Variants in DCDC1 observed in about 807,000 individuals in gnomAD.
The protein encoded by DCDC1 is doublecortin domain-containing protein 1.
DCDC1 carries 200 observed loss-of-function variants against 178.3 expected under a neutral mutation model. That is an observed-to-expected ratio of 1.12 (90% CI 1.00 to 1.26). The LOEUF (loss-of-function observed/expected upper bound fraction) is 1.26, where lower values mean the gene tolerates loss of function less well. DCDC1 is among the 50% of genes most tolerant of loss of function. DCDC1 has a pLI of 0.00. For synonymous variants in DCDC1, 690 were observed against 604.8 expected (o/e 1.14, Z -2.07); for missense variants, 1,983 against 1,749.2 (o/e 1.13, Z -2.38).
chr11:31,040,129 T>A (rs1311383668), intron 20 of DCDC1, among the ~76,000 whole-genome samples: 3 of 148,750 alleles, frequency 2.0e-5, no homozygotes, highest in Non-Finnish European at 3.0e-5. Flanking sequence ...TGGTCAAAAC[T>A]AAAAAAAAAT....
intron 17 of DCDC1, among the ~76,000 whole-genome samples, chr11:31,078,816 AC>A (rs1242513158): frequency 7.8e-6 from 1 of 128,756 alleles, no homozygotes; most frequent in African/African-American, 2.8e-5. Flanking sequence ...GTGTGGACCC[AC>A]CCCCCACCCA....
intron 20 of DCDC1, among the ~76,000 whole-genome samples, chr11:30,989,062 T>G (rs752612724): frequency 5.3e-5 from 8 of 151,914 alleles, no homozygotes; most frequent in Non-Finnish European, 7.4e-5. Context: ...ATCCAGGAAG[T>G]GGAGAGGTAA....
intron 27 of DCDC1, among the ~76,000 whole-genome samples, chr11:30,914,913 T>A (rs75580710): frequency 2.6e-5 from 4 of 152,200 alleles, no homozygotes; most frequent in African/African-American, 9.6e-5. Context: ...TGTCATCAGA[T>A]AGCCAAGCTG....
chr11:31,021,753 G>T (rs1952894441), intron 20 of DCDC1, among the ~76,000 whole-genome samples: 1 of 152,096 alleles, frequency 6.6e-6, no homozygotes, highest in Non-Finnish European at 1.5e-5. Flanking sequence ...GTGAGGTTAA[G>T]AAAAATAAAA....
chr11:30,896,414 G>T (rs145770921), intron 34 of DCDC1, among the ~76,000 whole-genome samples: 3 of 152,118 alleles, frequency 2.0e-5, no homozygotes, highest in African/African-American at 7.2e-5. Context: ...TTGGCCCATT[G>T]TTTCTCTTAG....
At chr11:31,173,551 A>T (rs1440898936) in intron 9 of DCDC1, among the ~76,000 whole-genome samples, 1 of 152,212 alleles carries the variant, frequency 6.6e-6, no homozygotes, top group Non-Finnish European at 1.5e-5. Context: ...GCACCATTTC[A>T]ATTGGAGAAT....
chr11:31,009,534 A>T (rs1164193455), intron 20 of DCDC1, among the ~76,000 whole-genome samples: 2 of 151,546 alleles, frequency 1.3e-5, no homozygotes, highest in Non-Finnish European at 2.9e-5. Context: ...CTTCATGGGA[A>T]GGCTGGTGGT....
chr11:31,104,340 A>C (rs1958713141), intron 13 of DCDC1, among the ~76,000 whole-genome samples: 1 of 152,150 alleles, frequency 6.6e-6, no homozygotes, highest in African/African-American at 2.4e-5. Context: ...CTCGCTATTT[A>C]TCTCTAGAAT....
At chr11:31,108,105 C>A (rs1423694988) in intron 12 of DCDC1, among the ~76,000 whole-genome samples, 1 of 152,172 alleles carries the variant, frequency 6.6e-6, no homozygotes, top group African/African-American at 2.4e-5. Context: ...CTTGACTGAG[C>A]AAATATTTCT....
intron 1 of DCDC1, among the ~76,000 whole-genome samples, chr11:31,351,544 G>T (rs1951070736): frequency 6.6e-6 from 1 of 152,100 alleles, no homozygotes; most frequent in Admixed American, 6.6e-5. Flanking sequence ...AGCAGGCTCA[G>T]AAAAGTTTGT....
At chr11:31,247,718 G>A (rs973581557) in intron 8 of DCDC1, among the ~76,000 whole-genome samples, 3 of 151,760 alleles carry the variant, frequency 2.0e-5, no homozygotes, top group Non-Finnish European at 4.4e-5. Context: ...GTAGCACATT[G>A]GTAGAACAGG....
chr11:31,061,564 A>C (rs1323849025), intron 20 of DCDC1, among the ~76,000 whole-genome samples: 1 of 152,144 alleles, frequency 6.6e-6, no homozygotes, highest in Middle Eastern at 3.4e-3. Context: ...TTAAGAAAAA[A>C]AAGAAGAAGA....
intron 20 of DCDC1, among the ~76,000 whole-genome samples, chr11:30,991,358 G>T (rs1314415932): frequency 6.6e-6 from 1 of 152,110 alleles, no homozygotes; most frequent in Non-Finnish European, 1.5e-5. Flanking sequence ...AGACAAAGGG[G>T]TCCCATGCAA....
chr11:31,238,537 G>T (rs1181598934), intron 9 of DCDC1, among the ~76,000 whole-genome samples: 1 of 151,934 alleles, frequency 6.6e-6, no homozygotes, highest in Non-Finnish European at 1.5e-5. Context: ...CTTTTCACAC[G>T]TTCCTTCCAC....
intron 9 of DCDC1, among the ~76,000 whole-genome samples, chr11:31,211,110 A>G (rs1254507352): frequency 6.6e-6 from 1 of 152,228 alleles, no homozygotes; most frequent in Non-Finnish European, 1.5e-5. Context: ...TCTCATCTGT[A>G]GATGATCATC....
rs916389046 is a variant in DCDC1, at chr11:31,046,102, C to T, written c.2591+18367G>A. On this transcript the variant is annotated intron_variant, in intron 20 of 38. Transcript: ENST00000684477. Reference sequence around the variant, plus strand: ...CACTAGACTGTTCAATCACAAGACTCCCTTTATTCATATCCACGTTGCTTG... The same window carrying T: ...CACTAGACTGTTCAATCACAAGACTTCCTTTATTCATATCCACGTTGCTTG... Among the ~76,000 whole-genome samples the T allele has an allele frequency of 2.6e-5, 4 of 152,272 alleles. No individual in the cohort carries two copies. In the East Asian group the frequency reaches 7.7e-4, roughly 29 times the overall value.
intron 20 of DCDC1, among the ~76,000 whole-genome samples, chr11:30,982,169 T>C (rs954578348): frequency 6.6e-6 from 1 of 152,194 alleles, no homozygotes; most frequent in African/African-American, 2.4e-5. Context: ...TTTCTGACAC[T>C]TGTCCCGCAA....
chr11:30,977,940 C>T (rs766807064), intron 20 of DCDC1, among the ~76,000 whole-genome samples: 3 of 152,066 alleles, frequency 2.0e-5, no homozygotes, highest in Non-Finnish European at 2.9e-5. Context: ...CTAAAAAAAC[C>T]AAACAGTAAG....
At chr11:31,063,709 T>C (rs1426336069) in intron 20 of DCDC1, among the ~76,000 whole-genome samples, 1 of 152,074 alleles carries the variant, frequency 6.6e-6, no homozygotes, top group Non-Finnish European at 1.5e-5. Flanking sequence ...CTAGACCCCA[T>C]TTTTACAATA....
Sources: allele counts gnomAD v4.1 joint callset (sites outside exome capture counted in the v4.1 genomes callset), GRCh38; gene constraint gnomAD v4.1.1; transcripts MANE v1.5; gene names NCBI Gene and HGNC (gene_info 2026-07-23, HGNC 2026-07-21).